The following PROM1 variants were observed in gnomAD, a reference collection of about 807,000 sequenced individuals.
PROM1 encodes prominin-1.
Under a neutral mutation model 116.9 loss-of-function variants are expected in PROM1, and 105 were observed. The observed-to-expected ratio is 0.90, with a 90% CI of 0.77 to 1.06. The LOEUF is 1.06. PROM1 is among the 50% of genes least tolerant of loss of function. The pLI, the probability that PROM1 is intolerant of heterozygous loss-of-function variation, is 0.00. For missense variants in PROM1, 1,122 were observed against 1,045.2 expected, an observed-to-expected ratio of 1.07 and a Z score of -1.01; for synonymous variants, 393 against 387.0, an observed-to-expected ratio of 1.02 and a Z score of -0.18.
At chr4:15,984,568 G>C (rs1560402765) in intron 22 of PROM1, among the ~76,000 whole-genome samples, 1 of 152,164 alleles carries the variant, frequency 6.6e-6, no homozygotes. Flanking sequence ...GTGAGGGGCG[G>C]GTGAGCAAGC....
chr4:16,071,329 T>G (rs1321615392), intron 2 of PROM1, among the ~76,000 whole-genome samples: 1 of 152,186 alleles, frequency 6.6e-6, no homozygotes, highest in Non-Finnish European at 1.5e-5. Flanking sequence ...CTCACCTTCC[T>G]TCTCTCTCTA....
intron 2 of PROM1, among the ~76,000 whole-genome samples, chr4:16,045,250 A>G (rs1736271323): frequency 1.3e-5 from 2 of 152,142 alleles, no homozygotes; most frequent in East Asian, 1.9e-4. Flanking sequence ...ACAGATGGAC[A>G]TACACGCACA....
intron 26 of PROM1, chr4:15,972,041 G>A (rs774462028): frequency 6.6e-6 from 1 of 152,196 alleles, no homozygotes; most frequent in South Asian, 2.1e-4. Flanking sequence ...ATGAAGGACT[G>A]TAGGCTCTGG....
chr4:16,056,886 C>G (rs1739162153), intron 2 of PROM1, among the ~76,000 whole-genome samples: 3 of 152,188 alleles, frequency 2.0e-5, no homozygotes, highest in African/African-American at 7.2e-5. Context: ...GCAGCCTCAG[C>G]TGGGAGAGGG....
chr4:16,045,552 C>A lies in PROM1; in HGVS notation c.221-6551G>T, dbSNP rs530139832. On this transcript the variant is annotated intron_variant, in intron 2 of 27. Transcript: ENST00000447510. ...TACAACACACCTTACCGAATTAAGACCCCCAACATTTTCTAGCTACGTGCC... is the reference window on the plus strand; with the variant it reads ...TACAACACACCTTACCGAATTAAGAACCCCAACATTTTCTAGCTACGTGCC... Among the ~76,000 whole-genome samples, 11 of 152,242 alleles carry A rather than the reference C, an allele frequency of 7.2e-5. No individual in the cohort carries two copies. The South Asian group carries it at 1.9e-3, about 26-fold the overall frequency.
At chr4:16,028,598 T>G (rs1731932335) in intron 5 of PROM1, among the ~76,000 whole-genome samples, 1 of 152,216 alleles carries the variant, frequency 6.6e-6, no homozygotes, top group Non-Finnish European at 1.5e-5. Context: ...TGCTTTGAGG[T>G]ATTGATTTAG....
chr4:16,000,373 A>C, intron 14 of PROM1, 123 bp downstream of exon 14: 1 of 784,776 alleles, frequency 1.3e-6, no homozygotes, highest in Non-Finnish European at 1.8e-6. Context: ...AATTTCAAGA[A>C]ATTTACTGAA....
chr4:15,985,150 A>G (rs1253327429), intron 22 of PROM1, among the ~76,000 whole-genome samples: 1 of 152,230 alleles, frequency 6.6e-6, no homozygotes, highest in Admixed American at 6.5e-5. Flanking sequence ...AATACAGTAT[A>G]CCAACTATTT....
chr4:15,997,504 G>A (rs891173620), intron 15 of PROM1, among the ~76,000 whole-genome samples: 12 of 151,408 alleles, frequency 7.9e-5, no homozygotes, highest in Non-Finnish European at 8.8e-5. Context: ...TCTTTTGCCC[G>A]GCTGGAGTGC....
chr4:16,078,589 GA>G (rs1744428211), intron 1 of PROM1, among the ~76,000 whole-genome samples: 1 of 152,204 alleles, frequency 6.6e-6, no homozygotes, highest in African/African-American at 2.4e-5. Flanking sequence ...AAGTGTCCTG[GA>G]GCAAGAGCAA....
intron 2 of PROM1, 107 bp from the exon 3 acceptor site, chr4:16,039,108 C>G: frequency 3.5e-6 from 3 of 863,602 alleles, no homozygotes; most frequent in Non-Finnish European, 4.7e-6. Context: ...ACCTATATTT[C>G]TATTATTCTT....
chr4:16,028,645 A>G (rs1432320669), intron 5 of PROM1, among the ~76,000 whole-genome samples: 1 of 152,016 alleles, frequency 6.6e-6, no homozygotes, highest in Non-Finnish European at 1.5e-5. Flanking sequence ...TTAGCAAAAA[A>G]AAGGTATGTG....
intron 5 of PROM1, among the ~76,000 whole-genome samples, chr4:16,027,495 T>A (rs537433685): frequency 1.3e-5 from 2 of 152,134 alleles, no homozygotes; most frequent in Non-Finnish European, 2.9e-5. Context: ...AGATTCCAGA[T>A]ACAAGAAGTC....
In PROM1 at chr4:16,032,310, A is replaced by G. The variant is rs967624902; in HGVS notation, c.509+994T>C. On this transcript the variant is annotated intron_variant, in intron 5 of 27. Coordinates refer to ENST00000447510, the MANE Select transcript of PROM1 (RefSeq NM_006017.3). ...TGAGTGGTCACCCTAAGCCATACAC[A>G]TCTTATCAGACCCCTGCTGGTGGCC... Among the ~76,000 whole-genome samples the G allele has an allele frequency of 2.6e-5, 4 of 152,264 alleles. No homozygotes were observed. In the South Asian group the frequency reaches 8.3e-4, roughly 32 times the overall value.
chr4:16,040,845 G>A (rs1234331445), intron 2 of PROM1, among the ~76,000 whole-genome samples: 2 of 152,164 alleles, frequency 1.3e-5, no homozygotes, highest in Admixed American at 6.5e-5. Flanking sequence ...AGTGCAGTGT[G>A]GAAGACTGTT....
chr4:16,012,628 T>C (rs951621941), intron 11 of PROM1, among the ~76,000 whole-genome samples: 1 of 151,970 alleles, frequency 6.6e-6, no homozygotes, highest in Non-Finnish European at 1.5e-5. Flanking sequence ...CCCAGCACTT[T>C]GGGAGGCCGA....
intron 19 of PROM1, 99 bp from the exon 20 acceptor site, chr4:15,987,815 C>G: frequency 3.3e-6 from 3 of 908,920 alleles, no homozygotes; most frequent in Non-Finnish European, 3.5e-6. Flanking sequence ...TCAAATCTGT[C>G]TTTACACTGT....
intron 2 of PROM1, among the ~76,000 whole-genome samples, chr4:16,074,968 T>C (rs1229465030): frequency 6.6e-6 from 1 of 152,188 alleles, no homozygotes; most frequent in Non-Finnish European, 1.5e-5. Flanking sequence ...CAATCAAAAA[T>C]TTAGGTGCCA....
At chr4:16,006,752 C>T in intron 12 of PROM1, 62 bp from the exon 13 acceptor site, 1 of 1,538,436 alleles carries the variant, frequency 6.5e-7, no homozygotes, top group Non-Finnish European at 8.9e-7. Context: ...AACACAAAAG[C>T]TGCTGGACTA....
Sources: allele counts gnomAD v4.1 joint callset (sites outside exome capture counted in the v4.1 genomes callset), GRCh38; gene constraint gnomAD v4.1.1; transcripts MANE v1.5; gene names NCBI Gene and HGNC (gene_info 2026-07-23, HGNC 2026-07-21).